Variants in ERICH6 observed in about 807,000 individuals in gnomAD.
ERICH6 encodes glutamate-rich protein 6.
Under a neutral mutation model 71.0 loss-of-function variants are expected in ERICH6, and 71 were observed. The observed-to-expected ratio is 1.00, with a 90% CI of 0.83 to 1.22. The LOEUF is 1.22. ERICH6 is among the 50% of genes most tolerant of loss of function. The probability of loss-of-function intolerance (pLI) is 0.00; values close to 1 mark genes in which losing one functional copy is unlikely to be tolerated. For synonymous variants in ERICH6, 262 were observed against 278.4 expected, an observed-to-expected ratio of 0.94 and a Z score of 0.59; for missense variants, 808 against 797.2, an observed-to-expected ratio of 1.01 and a Z score of -0.16.
intron 13 of ERICH6, among the ~76,000 whole-genome samples, chr3:150,666,528 C>T (rs79322406): frequency 0.022 from 3,281 of 152,240 alleles, 127 homozygotes; most frequent in African/African-American, 0.075. Context: ...CAGAGCAGCA[C>T]TACTCTGGCA....
At chr3:150,673,872 C>A in intron 11 of ERICH6, 84 bp downstream of exon 11, 1 of 1,340,248 alleles carries the variant, frequency 7.5e-7, no homozygotes, top group Non-Finnish European at 1.1e-6. Flanking sequence ...TGAGCCACTG[C>A]ACCCAACCAT....
At chr3:150,663,935 T>C (rs1257171001) in intron 13 of ERICH6, among the ~76,000 whole-genome samples, 1 of 152,162 alleles carries the variant, frequency 6.6e-6, no homozygotes, top group East Asian at 1.9e-4. Flanking sequence ...CTCAATGAGA[T>C]AATCTGATAA....
intron 3 of ERICH6, among the ~76,000 whole-genome samples, chr3:150,697,487 A>G (rs1161134758): frequency 6.6e-6 from 1 of 152,008 alleles, no homozygotes; most frequent in East Asian, 1.9e-4. Flanking sequence ...CCAGAGTTAC[A>G]CTGAAGCTGG....
rs769062226 is a variant in ERICH6, at chr3:150,703,729, T to TCCA, written c.167_169dup (p.Val56dup). ...CTGCTCTTCCCCCACCAACTCCTCC[T>TCCA]CCACCACCTCCTCCTCCTCCTCCTC... On this transcript the variant is annotated inframe_insertion, in exon 1 of 14. Coordinates refer to ENST00000295910, the MANE Select transcript of ERICH6 (RefSeq NM_152394.5). The TCCA allele has an allele frequency of 6.3e-7, 1 of 1,599,582 alleles. No homozygotes were observed. The highest frequency in any genetic ancestry group is 1.4e-5 in the African/African-American group (1 of 72,244).
chr3:150,663,614 A>T (rs1371252220), intron 13 of ERICH6, among the ~76,000 whole-genome samples: 1 of 152,072 alleles, frequency 6.6e-6, no homozygotes, highest in Non-Finnish European at 1.5e-5. Context: ...AGCTGAGACC[A>T]CAGGCATGCG....
At chr3:150,702,518 T>C (rs1472108302) in intron 1 of ERICH6, among the ~76,000 whole-genome samples, 1 of 152,146 alleles carries the variant, frequency 6.6e-6, no homozygotes, top group Non-Finnish European at 1.5e-5. Context: ...CCTCGTGATC[T>C]GCCCGCCTAG....
At chr3:150,680,748 T>A in intron 8 of ERICH6, 25 bp downstream of exon 8, 1 of 1,584,530 alleles carries the variant, frequency 6.3e-7, no homozygotes, top group Non-Finnish European at 8.6e-7. Context: ...CTGTATGAGT[T>A]TCAGTATCGA....
chr3:150,683,933 C>T (rs1302459392), intron 6 of ERICH6, among the ~76,000 whole-genome samples: 1 of 152,208 alleles, frequency 6.6e-6, no homozygotes, highest in African/African-American at 2.4e-5. Flanking sequence ...GAGCCAGCCT[C>T]GTCCAAGTGC....
intron 11 of ERICH6, among the ~76,000 whole-genome samples, chr3:150,670,500 AAAG>A (rs1286128226): frequency 6.0e-4 from 91 of 151,740 alleles, no homozygotes; most frequent in African/African-American, 1.4e-3. Context: ...AAAAAAAAAA[AAAG>A]TTCTAGCCAT....
Position 150,680,776 on chromosome 3 carries a change from T to C in ERICH6, c.1037A>G (p.Gln346Arg), listed in dbSNP as rs1711888417. Residue 346 changes from glutamine (Q) to arginine (R), a missense_variant, in exon 8 of 14, where the codon CAA (glutamine) becomes CGA (arginine). Gln to Arg is a conservative substitution (Grantham distance 43, BLOSUM62 1). Coordinates refer to ENST00000295910, the MANE Select transcript of ERICH6 (RefSeq NM_152394.5). ...DRLKAKEKAL[Q>R]RKQEQRMARH... ...AGTATCGAAGTCTCAATGTTACCTTTGCAGGGCTTTTTCTTTTGCCTTGAG... is the reference window on the plus strand; with the variant it reads ...AGTATCGAAGTCTCAATGTTACCTTCGCAGGGCTTTTTCTTTTGCCTTGAG... 1 of 1,602,346 alleles carries C rather than the reference T, an allele frequency of 6.2e-7. No individual in the cohort carries two copies. Among genetic ancestry groups the C allele is most frequent in the East Asian group, 2.2e-5 (1 of 44,832 alleles).
chr3:150,696,575 A>G lies in ERICH6; in HGVS notation c.553+2216T>C, dbSNP rs563259222. Among the ~76,000 whole-genome samples the G allele has an allele frequency of 5.8e-4, 88 of 152,294 alleles. 2 individuals are homozygous for G. In the South Asian group the frequency reaches 0.018, roughly 31 times the overall value. ...TGTAAAAAGCTGCCAAAAAATAAAC[A>G]TCAAGAAAGAAAAGACAACTCAATG... On this transcript the variant is annotated intron_variant, in intron 3 of 13. Transcript: ENST00000295910.
At chr3:150,702,818 G>GT (rs1330300574) in intron 1 of ERICH6, among the ~76,000 whole-genome samples, 10 of 76,964 alleles carry the variant, frequency 1.3e-4, no homozygotes, top group Non-Finnish European at 2.2e-4. Context: ...ACAAAAGAGA[G>GT]TTGTTTTTTT....
intron 12 of ERICH6, 64 bp from the exon 13 acceptor site, chr3:150,667,079 CCT>C (rs1467558630): frequency 2.0e-6 from 3 of 1,464,954 alleles, no homozygotes; most frequent in Non-Finnish European, 2.8e-6. Flanking sequence ...TGGAATTATC[CCT>C]GTCACTTGCT....
At chr3:150,663,233 A>G (rs1727286487) in intron 13 of ERICH6, among the ~76,000 whole-genome samples, 1 of 152,198 alleles carries the variant, frequency 6.6e-6, no homozygotes. Flanking sequence ...AAAGAGGCAG[A>G]CAAGAATGAT....
Position 150,682,315 on chromosome 3 carries a change from T to C in ERICH6, c.785A>G (p.Asp262Gly). 1 of 1,611,862 alleles carries C rather than the reference T, an allele frequency of 6.2e-7. No individual in the cohort carries two copies. The highest frequency in any genetic ancestry group is 8.5e-7 in the Non-Finnish European group (1 of 1,179,612). ...TTTGGGTGATGTCTCCTCCTCTTCATCCTTCAGAGAGAGAGGAAAAAAATT... is the reference window on the plus strand; with the variant it reads ...TTTGGGTGATGTCTCCTCCTCTTCACCCTTCAGAGAGAGAGGAAAAAAATT... ...ESSNLGINFK[D>G]EEEETSPKCE... Residue 262 changes from aspartate (D) to glycine (G), a missense_variant and splice_region_variant, in exon 7 of 14, where the codon GAT becomes GGT. Asp to Gly is a moderately conservative substitution (Grantham distance 94). Transcript: ENST00000295910.
At chr3:150,689,879 C>T (rs1170507696) in intron 3 of ERICH6, among the ~76,000 whole-genome samples, 1 of 152,144 alleles carries the variant, frequency 6.6e-6, no homozygotes, top group East Asian at 1.9e-4. Flanking sequence ...TGTAAACAGA[C>T]AAGTTCAGCT....
Position 150,685,789 on chromosome 3 carries a change from T to G in ERICH6, c.736A>C (p.Ile246Leu). Residue 246 changes from isoleucine (I) to leucine (L), a missense_variant, in exon 6 of 14, where the codon ATT (isoleucine) becomes CTT (leucine). By Grantham distance (5) the Ile-to-Leu change is conservative (BLOSUM62 2). Coordinates refer to ENST00000295910, the MANE Select transcript of ERICH6 (RefSeq NM_152394.5). ...GAGCTCTCTTCTTTGTATGCCAGAA[T>G]GGATGGTGGTCCGATGCTGGGTAAC... ...RTLPSIGPPS[I>L]LAYKEESSNL... 2 of 1,614,192 alleles carry G rather than the reference T, an allele frequency of 1.2e-6. No individual in the cohort carries two copies. Among genetic ancestry groups the G allele is most frequent in the Non-Finnish European group, 1.7e-6 (2 of 1,180,032 alleles).
chr3:150,702,914 G>GTGTC (rs1712959935), intron 1 of ERICH6, among the ~76,000 whole-genome samples: 1 of 136,764 alleles, frequency 7.3e-6, no homozygotes, highest in Non-Finnish European at 1.6e-5. Context: ...GTGTGTGTGT[G>GTGTC]TCTGTGAGAG....
intron 2 of ERICH6, among the ~76,000 whole-genome samples, chr3:150,699,661 A>G (rs966282087): frequency 2.6e-5 from 4 of 152,118 alleles, no homozygotes; most frequent in African/African-American, 9.6e-5. Flanking sequence ...GAAAGGAAAA[A>G]TAATACGAAG....
Sources: allele counts gnomAD v4.1 joint callset (sites outside exome capture counted in the v4.1 genomes callset), GRCh38; gene constraint gnomAD v4.1.1; transcripts MANE v1.5; gene names NCBI Gene and HGNC (gene_info 2026-07-23, HGNC 2026-07-21).